Variants in PALMD observed in about 807,000 individuals in gnomAD.
PALMD encodes palmdelphin.
A neutral mutation model predicts 56.2 loss-of-function variants in PALMD; 42 were observed. The observed-to-expected ratio is 0.75, with a 90% CI of 0.58 to 0.97. The LOEUF is 0.97. Ranked by LOEUF, PALMD falls within the 50% of genes least tolerant of loss-of-function variation. The probability of loss-of-function intolerance (pLI) is 0.00; values close to 1 mark genes in which losing one functional copy is unlikely to be tolerated. For missense variants in PALMD, 660 were observed against 643.8 expected (o/e 1.03, Z -0.27); for synonymous variants, 242 against 222.9 (o/e 1.09, Z -0.76).
intron 3 of PALMD, among the ~76,000 whole-genome samples, chr1:99,680,398 A>G (rs1653312621): frequency 1.3e-5 from 2 of 152,142 alleles, no homozygotes; most frequent in Admixed American, 1.3e-4. Flanking sequence ...GGATAGCATT[A>G]CAAATCCTTT....
At chr1:99,675,663 C>T (rs1653183930) in intron 3 of PALMD, among the ~76,000 whole-genome samples, 1 of 152,158 alleles carries the variant, frequency 6.6e-6, no homozygotes, top group Non-Finnish European at 1.5e-5. Context: ...ATCACATCAA[C>T]CTTGAGACTA....
intron 1 of PALMD, among the ~76,000 whole-genome samples, chr1:99,648,275 T>C (rs1652487661): frequency 6.6e-6 from 1 of 152,156 alleles, no homozygotes; most frequent in African/African-American, 2.4e-5. Context: ...GTCACATTTG[T>C]CACCACCTAG....
chr1:99,657,718 TG>T (rs1404745141), intron 1 of PALMD, among the ~76,000 whole-genome samples: 1 of 152,220 alleles, frequency 6.6e-6, no homozygotes, highest in East Asian at 1.9e-4. Flanking sequence ...TATCCTCACC[TG>T]GTTGTTCTTA....
At chr1:99,670,176 G>A (rs1041551712) in intron 3 of PALMD, among the ~76,000 whole-genome samples, 1 of 152,046 alleles carries the variant, frequency 6.6e-6, no homozygotes, top group African/African-American at 2.4e-5. Context: ...ATTCTCTTTG[G>A]TAAATTACTG....
chr1:99,649,133 T>G (rs1652511053), intron 1 of PALMD, among the ~76,000 whole-genome samples: 1 of 152,210 alleles, frequency 6.6e-6, no homozygotes, highest in African/African-American at 2.4e-5. Flanking sequence ...ATATAGATTC[T>G]ATTTTACACA....
At chr1:99,683,142 GAAAGAAAGAAAGAAAGAA>G (rs1653408008) in intron 3 of PALMD, 1 of 123,556 alleles carries the variant, frequency 8.1e-6, no homozygotes, top group Non-Finnish European at 1.6e-5. Context: ...AAGAAAGAAA[GAAAGAAAGAAAGAAAGAA>G]AGAAAGAAAC....
intron 1 of PALMD, among the ~76,000 whole-genome samples, chr1:99,657,551 A>G (rs770031162): frequency 1.3e-5 from 2 of 152,182 alleles, no homozygotes; most frequent in South Asian, 2.1e-4. Flanking sequence ...TCTCCTTTCC[A>G]TAGCTATTAC....
In PALMD at chr1:99,673,768, C is replaced by T. The variant is rs147236878; in HGVS notation, c.251+6002C>T. On this transcript the variant is annotated intron_variant, in intron 3 of 7. Coordinates refer to ENST00000263174, the MANE Select transcript of PALMD (RefSeq NM_017734.5). ...AAAAGCAAAAAAGGGAAGAAGTCTACCCACTCCAACCCTCCGAAACACACA... is the reference window on the plus strand; with the variant it reads ...AAAAGCAAAAAAGGGAAGAAGTCTATCCACTCCAACCCTCCGAAACACACA... Among the ~76,000 whole-genome samples the T allele has an allele frequency of 1.8e-3, 270 of 152,208 alleles. 1 individual carries two copies. Among genetic ancestry groups the T allele is most frequent in the African/African-American group, 6.0e-3 (250 of 41,524 alleles).
intron 3 of PALMD, among the ~76,000 whole-genome samples, chr1:99,678,252 G>A (rs377705849): frequency 3.3e-5 from 5 of 151,684 alleles, no homozygotes; most frequent in Non-Finnish European, 5.9e-5. Flanking sequence ...ATATAGGTGC[G>A]TGCCACCATG....
intron 3 of PALMD, 58 bp downstream of exon 3, chr1:99,667,824 G>A: frequency 2.1e-6 from 3 of 1,459,450 alleles, no homozygotes; most frequent in Non-Finnish European, 2.9e-6. Flanking sequence ...ATCCCATGTT[G>A]TGCATAGACA....
intron 3 of PALMD, among the ~76,000 whole-genome samples, chr1:99,676,617 C>T (rs973168868): frequency 2.6e-5 from 4 of 152,024 alleles, no homozygotes; most frequent in African/African-American, 9.7e-5. Flanking sequence ...TACTTCATAC[C>T]CACTTATACG....
At chr1:99,691,399 C>G (rs1458760577) in intron 7 of PALMD, among the ~76,000 whole-genome samples, 1 of 152,102 alleles carries the variant, frequency 6.6e-6, no homozygotes, top group Admixed American at 6.6e-5. Context: ...CCAGACAACA[C>G]TAATCATGCC....
At chr1:99,683,102 G>T (rs1231063561) in intron 3 of PALMD, among the ~76,000 whole-genome samples, 2 of 75,838 alleles carry the variant, frequency 2.6e-5, no homozygotes, top group Admixed American at 1.3e-4. Context: ...AAGAAAGAAA[G>T]AAAGAAAGAA....
At chr1:99,673,410 T>C (rs1190132671) in intron 3 of PALMD, among the ~76,000 whole-genome samples, 1 of 152,004 alleles carries the variant, frequency 6.6e-6, no homozygotes, top group Non-Finnish European at 1.5e-5. Flanking sequence ...GTTTCTGCCT[T>C]CCTACCCTAA....
At chr1:99,652,782 T>C (rs1652626724) in intron 1 of PALMD, among the ~76,000 whole-genome samples, 1 of 151,878 alleles carries the variant, frequency 6.6e-6, no homozygotes, top group Non-Finnish European at 1.5e-5. Context: ...CTCTTATTAA[T>C]ACAGTTTGAC....
intron 6 of PALMD, 69 bp from the exon 7 acceptor site, chr1:99,688,706 A>G: frequency 1.0e-6 from 1 of 975,530 alleles, no homozygotes; most frequent in Non-Finnish European, 1.5e-6. Context: ...AAAAATAAAC[A>G]CAGTGAAAGC....
intron 6 of PALMD, 68 bp from the exon 7 acceptor site, chr1:99,688,707 C>A: frequency 2.0e-6 from 2 of 976,434 alleles, no homozygotes; most frequent in Non-Finnish European, 1.5e-6. Context: ...AAAATAAACA[C>A]AGTGAAAGCA....
rs936486998 is a variant in PALMD at position 99,694,167 on chromosome 1, A to T, written c.*105A>T. On this transcript the variant is annotated 3_prime_UTR_variant, in exon 8 of 8. Coordinates refer to ENST00000263174, the MANE Select transcript of PALMD (RefSeq NM_017734.5). ...TATTTTTTCTGAAGTCCAAAAAATT[A>T]TCATTACAGTGTACCATATTAAGCC... 7 of 741,568 alleles carry T rather than the reference A, an allele frequency of 9.4e-6. No individual in the cohort carries two copies. In the African/African-American group the frequency reaches 1.2e-4, roughly 13 times the overall value. 45.9% of individuals were successfully genotyped at this position (741,568 alleles called of 1,614,324 possible).
In PALMD at chr1:99,667,445, G is replaced by A. The variant is rs114143009; in HGVS notation, c.127-197G>A. On this transcript the variant is annotated intron_variant, in intron 2 of 7. Transcript: ENST00000263174. ...CTTGAAGTATAAATGGGATTTAGAT[G>A]CATAAAACCTGGCTTTGAATACAGT... 2.2e-3 allele frequency: 1,212 copies of A among 561,680 alleles called. 9 individuals are homozygous for A. The highest frequency in any genetic ancestry group is 0.016 in the African/African-American group (878 of 53,272). The allele number at this position is 561,680 out of a possible 1,614,324, so 34.8% of individuals were successfully genotyped here.
Sources: gnomAD v4.1 joint callset for allele counts (sites outside exome capture counted in the v4.1 genomes callset) on GRCh38, gnomAD v4.1.1 for gene constraint, MANE v1.5 for transcripts, NCBI Gene and HGNC (gene_info 2026-07-23, HGNC 2026-07-21) for gene names.